The following ATAD1 variants were observed in gnomAD, a reference collection of about 807,000 sequenced individuals.
The protein encoded by ATAD1 is outer mitochondrial transmembrane helix translocase.
In ATAD1, 18 loss-of-function variants were observed where a neutral mutation model predicts 42.7. That is an observed-to-expected ratio of 0.42 (90% CI 0.29 to 0.63). ATAD1 has a LOEUF of 0.63. ATAD1 is among the 20% of genes least tolerant of loss of function. The probability of loss-of-function intolerance (pLI) is 0.19; values close to 1 mark genes in which losing one functional copy is unlikely to be tolerated. For synonymous variants in ATAD1, 132 were observed against 143.1 expected (o/e 0.92, Z 0.55); for missense variants, 294 against 440.4 (o/e 0.67, Z 2.98).
intron 8 of ATAD1, among the ~76,000 whole-genome samples, chr10:87,757,483 GA>G: frequency 6.6e-6 from 1 of 152,082 alleles, no homozygotes; most frequent in East Asian, 1.9e-4. Flanking sequence ...AAATAAGCAA[GA>G]AAAAAATCTA....
chr10:87,801,943 A>G (rs1302732431), intron 2 of ATAD1, among the ~76,000 whole-genome samples: 1 of 152,232 alleles, frequency 6.6e-6, no homozygotes, highest in Non-Finnish European at 1.5e-5. Context: ...CTTTTTGCTT[A>G]AAATGTTGCT....
At chr10:87,808,550 A>G (rs1857036016) in intron 2 of ATAD1, among the ~76,000 whole-genome samples, 2 of 152,208 alleles carry the variant, frequency 1.3e-5, no homozygotes, top group South Asian at 4.1e-4. Flanking sequence ...GCTCCGTCTA[A>G]AAGAAAACAC....
At chr10:87,777,435 T>TTA (rs1362772799) in intron 5 of ATAD1, among the ~76,000 whole-genome samples, 6 of 152,212 alleles carry the variant, frequency 3.9e-5, no homozygotes, top group Admixed American at 2.0e-4. Flanking sequence ...TTACGTTGTA[T>TTA]TATAGCTCAG....
intron 8 of ATAD1, among the ~76,000 whole-genome samples, chr10:87,767,344 G>C (rs779183520): frequency 5.3e-5 from 8 of 152,082 alleles, no homozygotes; most frequent in Non-Finnish European, 1.2e-4. Flanking sequence ...GCATAGTTTG[G>C]GGATGATTCA....
At chr10:87,807,742 A>C (rs987968811) in intron 2 of ATAD1, among the ~76,000 whole-genome samples, 21 of 152,186 alleles carry the variant, frequency 1.4e-4, no homozygotes, top group African/African-American at 4.8e-4. Context: ...TTTACATTAT[A>C]TATTTAATTT....
intron 2 of ATAD1, among the ~76,000 whole-genome samples, chr10:87,807,663 T>C (rs1235231123): frequency 6.6e-6 from 1 of 152,204 alleles, no homozygotes; most frequent in Non-Finnish European, 1.5e-5. Context: ...ATGCATTCTA[T>C]ATATGTCCTC....
intron 9 of ATAD1, among the ~76,000 whole-genome samples, chr10:87,755,926 AG>A (rs1189041459): frequency 1.3e-5 from 2 of 152,158 alleles, no homozygotes; most frequent in African/African-American, 4.8e-5. Flanking sequence ...AACCTTTGGA[AG>A]GTAGATTCTG....
intron 4 of ATAD1, among the ~76,000 whole-genome samples, chr10:87,789,987 CA>C (rs1856018656): frequency 6.6e-6 from 1 of 151,806 alleles, no homozygotes. Flanking sequence ...GGCTTGAAAA[CA>C]AAACAAAACA....
In ATAD1 at chr10:87,797,582, T is replaced by G. The variant is rs148088664; in HGVS notation, c.163-4827A>C. 1.8e-4 allele frequency among the ~76,000 whole-genome samples: 28 copies of G among 152,306 alleles called. No individual in the cohort carries two copies. The East Asian group carries it at 5.0e-3, about 27-fold the overall frequency. ...TTCAAGAGTCATGGGCAGAGTCTTCTTAAGTCTAAACCTCTGTTTCCATAT... is the reference window on the plus strand; with the variant it reads ...TTCAAGAGTCATGGGCAGAGTCTTCGTAAGTCTAAACCTCTGTTTCCATAT... On this transcript the variant is annotated intron_variant, in intron 2 of 9. Transcript: ENST00000680024.
intron 2 of ATAD1, among the ~76,000 whole-genome samples, chr10:87,802,591 C>T (rs1029836017): frequency 6.6e-6 from 1 of 151,132 alleles, no homozygotes; most frequent in African/African-American, 2.4e-5. Context: ...AGATCACCCC[C>T]GAGATCCCGC....
At chr10:87,829,234 ATTATTTAT>A (rs71022510) in intron 1 of ATAD1, among the ~76,000 whole-genome samples, 129 of 142,962 alleles carry the variant, frequency 9.0e-4, no homozygotes, top group African/African-American at 2.6e-3. Flanking sequence ...TATTTTATTT[ATTATTTAT>A]TTATTTATTT....
intron 1 of ATAD1, among the ~76,000 whole-genome samples, chr10:87,827,862 G>A (rs1475877820): frequency 6.6e-6 from 1 of 152,202 alleles, no homozygotes; most frequent in African/African-American, 2.4e-5. Context: ...GTGAAAAAAG[G>A]TATGTTGAAA....
At chr10:87,770,587 T>C (rs903879707) in intron 7 of ATAD1, among the ~76,000 whole-genome samples, 2 of 152,188 alleles carry the variant, frequency 1.3e-5, no homozygotes, top group African/African-American at 4.8e-5. Context: ...GCCTTCTGAA[T>C]AGAACAATTC....
intron 2 of ATAD1, among the ~76,000 whole-genome samples, chr10:87,798,267 T>C (rs988104116): frequency 6.6e-6 from 1 of 152,114 alleles, no homozygotes; most frequent in Non-Finnish European, 1.5e-5. Context: ...CACAGCTCAG[T>C]TCCTCCTTTT....
chr10:87,818,326 G>T, upstream of ATAD1: 1 of 923,930 alleles, frequency 1.1e-6, no homozygotes, highest in Non-Finnish European at 1.3e-6. Flanking sequence ...GTGCTCCCAG[G>T]CTTAGAAACA....
chr10:87,764,505 T>A (rs374877632), intron 8 of ATAD1, among the ~76,000 whole-genome samples: 1 of 152,074 alleles, frequency 6.6e-6, no homozygotes, highest in Non-Finnish European at 1.5e-5. Context: ...CAACTAGGTA[T>A]CCATCTAGAA....
chr10:87,770,007 C>T (rs1854955368), intron 7 of ATAD1, among the ~76,000 whole-genome samples: 1 of 151,776 alleles, frequency 6.6e-6, no homozygotes, highest in African/African-American at 2.4e-5. Flanking sequence ...GTTTAAAAAT[C>T]TTTTCATTGA....
At chr10:87,824,742 A>G (rs992881863) in intron 1 of ATAD1, among the ~76,000 whole-genome samples, 30 of 152,130 alleles carry the variant, frequency 2.0e-4, no homozygotes, top group Non-Finnish European at 3.2e-4. Flanking sequence ...CAACCATGGC[A>G]TCTTGTCTGA....
chr10:87,780,638 CAAAG>C (rs1855519810), intron 5 of ATAD1, among the ~76,000 whole-genome samples: 1 of 151,300 alleles, frequency 6.6e-6, no homozygotes, highest in Non-Finnish European at 1.5e-5. Flanking sequence ...TTGCAAGAAA[CAAAG>C]AAAAAAAATC....
Sources: allele counts gnomAD v4.1 joint callset (sites outside exome capture counted in the v4.1 genomes callset), GRCh38; gene constraint gnomAD v4.1.1; transcripts MANE v1.5; gene names NCBI Gene and HGNC (gene_info 2026-07-23, HGNC 2026-07-21).